Variants in CNTN2 observed in about 807,000 individuals in gnomAD.
CNTN2 encodes the protein contactin-2.
A neutral mutation model predicts 117.5 loss-of-function variants in CNTN2; 53 were observed. The observed-to-expected ratio is 0.45, with a 90% CI of 0.36 to 0.57. The LOEUF is 0.57. Among genes scored for constraint, CNTN2 ranks in the 20% least tolerant of loss-of-function variants. The pLI is 0.00. For synonymous variants in CNTN2, 530 were observed against 561.7 expected, an observed-to-expected ratio of 0.94 and a Z score of 0.80; for missense variants, 1,106 against 1,404.3, an observed-to-expected ratio of 0.79 and a Z score of 3.39.
At chr1:205,070,133 C>G (rs1654515666) in intron 18 of CNTN2, 72 bp downstream of exon 18, 1 of 1,419,414 alleles carries the variant, frequency 7.0e-7, no homozygotes, top group African/African-American at 1.4e-5. Flanking sequence ...GGTGGGGGAA[C>G]GCTACTCATC....
rs1574663567 is a variant in CNTN2 at position 205,072,784 on chromosome 1, G to A, written c.2844+189G>A. The A allele has an allele frequency of 1.8e-5, 12 of 665,020 alleles. No individual in the cohort carries two copies. The East Asian group carries it at 3.2e-4, about 18-fold the overall frequency. The allele number at this position is 665,020 out of a possible 1,614,324, so 41.2% of individuals were successfully genotyped here. On this transcript the variant is annotated intron_variant, in intron 21 of 22. Coordinates refer to ENST00000331830, the MANE Select transcript of CNTN2 (RefSeq NM_005076.5). The stretch of plus-strand genomic sequence containing the variant: ...ACTTGCAGTAGAAACTATAAAAACG[G>A]GCAGATGGTATCACTGCAGAAAGGC...
Position 205,051,774 on chromosome 1 carries a change from TGTGGAGG to T in CNTN2, c.-86-1323_-86-1317del, listed in dbSNP as rs567297269. Among the ~76,000 whole-genome samples, 1,080 of 152,204 alleles carry T rather than the reference TGTGGAGG, an allele frequency of 7.1e-3. 8 individuals are homozygous for T. The highest frequency in any genetic ancestry group is 0.024 in the Middle Eastern group (7 of 294). On this transcript the variant is annotated intron_variant, in intron 1 of 22. Transcript: ENST00000331830. ...AGGAAAAGGTTGTGGAGTGGTCAAA[TGTGGAGG>T]GTTGAAAGGGTTTGGGAGCTCTCTT...
Position 205,065,595 on chromosome 1 carries a change from C to T in CNTN2, c.1696-194C>T, listed in dbSNP as rs11588412. The stretch of plus-strand genomic sequence containing the variant: ...TGACTGTCTCCTGAAACAAACTTTG[C>T]TGTTTAGTCCCCAGTGGTTCTAAGT... On this transcript the variant is annotated intron_variant, in intron 13 of 22. Coordinates refer to ENST00000331830, the MANE Select transcript of CNTN2 (RefSeq NM_005076.5). The surrounding 1 kb of genome is among the most constrained non-coding windows in gnomAD (Gnocchi z 4.1). Among the ~76,000 whole-genome samples the T allele has an allele frequency of 0.34, 51,863 of 151,946 alleles. 10,066 individuals are homozygous for T. The highest frequency in any genetic ancestry group is 0.87 in the East Asian group (4,460 of 5,140).
Position 205,058,609 on chromosome 1 carries a change from G to A in CNTN2, c.433G>A (p.Ala145Thr), listed in dbSNP as rs2275697. The part of the protein sequence containing the change: ...FSKEERDPVK[A>T]HEGWGVMLPC... Reference sequence around the variant, plus strand: ...CAAGGAGGAGCGAGACCCAGTGAAAGCTCATGAAGGCTGGGGGGTGATGTT... The same window carrying A: ...CAAGGAGGAGCGAGACCCAGTGAAAACTCATGAAGGCTGGGGGGTGATGTT... The change falls in exon 5 of 23, where the codon GCT becomes ACT. Residue 145 changes from alanine (A) to threonine (T), a missense_variant. By Grantham distance (58) the Ala-to-Thr change is moderately conservative. Coordinates refer to ENST00000331830, the MANE Select transcript of CNTN2 (RefSeq NM_005076.5). The surrounding 1 kb of genome is among the most constrained non-coding windows in gnomAD (Gnocchi z 4.3). 0.19 allele frequency: 303,375 copies of A among 1,613,290 alleles called. 34,695 individuals carry two copies. The highest frequency in any genetic ancestry group is 0.48 in the East Asian group (21,593 of 44,786).
chr1:205,069,071 A>T (rs1654450598), intron 16 of CNTN2: 1 of 160,064 alleles, frequency 6.2e-6, no homozygotes, highest in Non-Finnish European at 1.4e-5. Flanking sequence ...TGGGTTATTT[A>T]TTCCCCTTAT....
chr1:205,065,804 G>T lies in CNTN2; in HGVS notation c.1711G>T (p.Asp571Tyr). 2 of 1,503,732 alleles carry T rather than the reference G, an allele frequency of 1.3e-6. No homozygotes were observed. The highest frequency in any genetic ancestry group is 1.8e-6 in the Non-Finnish European group (2 of 1,102,798). The allele number at this position is 1,503,732 out of a possible 1,614,324, so 93.1% of individuals were successfully genotyped here. Residue 571 changes from aspartate (D) to tyrosine (Y), a missense_variant, in exon 14 of 23, where the codon GAT becomes TAT. Asp to Tyr is a radical substitution (Grantham distance 160). Transcript: ENST00000331830. The surrounding 1 kb of genome is among the most constrained non-coding windows in gnomAD (Gnocchi z 4.1). ...CCGTGTGCAGAAGGAGACCATTGGG[G>T]ATCTGACCATCCTGAACGCCCAGCT... ...RRTNVKETIG[D>Y]LTILNAQLRH...
At chr1:205,047,712 C>T (rs1220952549) in intron 1 of CNTN2, among the ~76,000 whole-genome samples, 5 of 152,106 alleles carry the variant, frequency 3.3e-5, no homozygotes, top group African/African-American at 9.7e-5. Context: ...ATATGAGTGC[C>T]GCCTGGACGT....
intron 21 of CNTN2, 172 bp downstream of exon 21, chr1:205,072,767 T>C (rs1224807810): frequency 1.5e-6 from 1 of 680,220 alleles, no homozygotes; most frequent in Non-Finnish European, 2.6e-6. Context: ...TAACTTGCAG[T>C]AGAAACTATA....
chr1:205,070,644 G>A (rs1416088438), intron 19 of CNTN2, 106 bp downstream of exon 19: 11 of 762,052 alleles, frequency 1.4e-5, no homozygotes, highest in Non-Finnish European at 2.2e-5. Flanking sequence ...TCCCTGGTTC[G>A]CTGACATGGC....
Position 205,064,440 on chromosome 1 carries a change from C to G in CNTN2, c.1359C>G (p.Ser453Arg), listed in dbSNP as rs746391581. Reference protein sequence around the residue: ...RAAPKAVVLWSKGTEILVNSS... With the variant: ...RAAPKAVVLWRKGTEILVNSS... ...CTCCAAAGGCCGTGGTGCTCTGGAG[C>G]AAAGGCACGGAGATTTTGGTCAACA... Residue 453 changes from serine to arginine, a missense_variant, in exon 11 of 23, where the codon AGC becomes AGG. Physicochemically the swap from Ser to Arg is moderately radical, Grantham distance 110 (BLOSUM62 -1). Coordinates refer to ENST00000331830, the MANE Select transcript of CNTN2 (RefSeq NM_005076.5). The G allele has an allele frequency of 6.2e-7, 1 of 1,611,880 alleles. No homozygotes were observed. Among genetic ancestry groups the G allele is most frequent in the Admixed American group, 1.7e-5 (1 of 59,966 alleles).
Position 205,066,428 on chromosome 1 carries a change from C to T in CNTN2, c.1817-13C>T, listed in dbSNP as rs201086226. 1.2e-6 allele frequency: 2 copies of T among 1,612,728 alleles called. No individual in the cohort carries two copies. Among genetic ancestry groups the T allele is most frequent in the East Asian group, 2.2e-5 (1 of 44,880 alleles). On this transcript the variant is annotated splice_polypyrimidine_tract_variant and intron_variant, in intron 14 of 22. Coordinates refer to ENST00000331830, the MANE Select transcript of CNTN2 (RefSeq NM_005076.5). ...CCAATTCTGACCCACTGTGCTCTGA[C>T]CTCTTGGTGCAGGTCCGCCAGGTCC...
rs1653827903 is a variant in CNTN2 at position 205,059,154 on chromosome 1, C to T, written c.558C>T (p.Ser186=). 1 of 1,614,198 alleles carries T rather than the reference C, an allele frequency of 6.2e-7. No homozygotes were observed. The highest frequency in any genetic ancestry group is 2.2e-5 in the East Asian group (1 of 44,868). ...FIPTDGRHFV[S]QTTGNLYIAR... Reference sequence around the variant, plus strand: ...CGACGGACGGGCGTCACTTCGTGTCCCAGACCACAGGGAACCTGTACATTG... The same window carrying T: ...CGACGGACGGGCGTCACTTCGTGTCTCAGACCACAGGGAACCTGTACATTG... Residue 186 remains serine, a synonymous_variant, in exon 6 of 23, where the codon TCC becomes TCT. Coordinates refer to ENST00000331830, the MANE Select transcript of CNTN2 (RefSeq NM_005076.5). The surrounding 1 kb of genome is among the most constrained non-coding windows in gnomAD (Gnocchi z 5.6).
rs531184069 is a variant in CNTN2, at chr1:205,071,989, C to T, written c.2587C>T (p.Arg863Ter). 3.1e-6 allele frequency: 5 copies of T among 1,613,888 alleles called. No homozygotes were observed. The highest frequency in any genetic ancestry group is 1.7e-5 in the Admixed American group (1 of 59,952). ...KAGDKEAAAD[R>*]VRTAGLDTSA... The stretch of plus-strand genomic sequence containing the variant: ...TGGGGACAAAGAAGCAGCTGCGGAC[C>T]GAGTGAGGACAGCAGGGCTGGACAC... The change falls in exon 20 of 23, where the codon CGA becomes TGA. Residue 863 changes from arginine to a stop codon, truncating the protein, a stop_gained. Transcript: ENST00000331830. LOFTEE classifies it high-confidence loss of function.
At position 205,073,043 on chromosome 1, in the gene CNTN2, C is replaced by A. The variant is rs1415630011; in HGVS notation, c.2845-25C>A. ...CGATCAGCCCTGGTGTCAGGAAACT[C>A]CACCTGGAAACCTCCTTCCCACAGA... On this transcript the variant is annotated intron_variant, in intron 21 of 22. Transcript: ENST00000331830. The surrounding 1 kb of genome is among the most constrained non-coding windows in gnomAD (Gnocchi z 6.3). 4.3e-6 allele frequency: 7 copies of A among 1,613,044 alleles called. No homozygotes were observed.
Position 205,059,043 on chromosome 1 carries a change from G to A in CNTN2, c.488-41G>A. On this transcript the variant is annotated intron_variant, in intron 5 of 22. Coordinates refer to ENST00000331830, the MANE Select transcript of CNTN2 (RefSeq NM_005076.5). The surrounding 1 kb of genome is among the most constrained non-coding windows in gnomAD (Gnocchi z 5.6). Reference sequence around the variant, plus strand: ...GGTCCCACCCAGAGTGGCCCTGTTAGCCCAGCACCCCCTGGTTTCCTCAAA... The same window carrying A: ...GGTCCCACCCAGAGTGGCCCTGTTAACCCAGCACCCCCTGGTTTCCTCAAA... 2 of 1,594,158 alleles carry A rather than the reference G, an allele frequency of 1.3e-6. No individual in the cohort carries two copies. The highest frequency in any genetic ancestry group is 1.7e-4 in the Middle Eastern group (1 of 6,024).
Position 205,058,449 on chromosome 1 carries a change from G to T in CNTN2, c.391+93G>T. ...AAGGATAAGGGACACCCTCAAGCCG[G>T]GCCTTCCTGACCTCACATGACATGC... On this transcript the variant is annotated intron_variant, in intron 4 of 22. Coordinates refer to ENST00000331830, the MANE Select transcript of CNTN2 (RefSeq NM_005076.5). This position sits in a 1 kb window ranked among gnomAD's most constrained non-coding sequence, Gnocchi z 4.3. 6.5e-7 allele frequency: 1 copy of T among 1,542,952 alleles called. No individual in the cohort carries two copies. The highest frequency in any genetic ancestry group is 1.2e-5 in the South Asian group (1 of 84,898).
chr1:205,065,354 A>G lies in CNTN2; in HGVS notation c.1695+92A>G. On this transcript the variant is annotated intron_variant, in intron 13 of 22. Coordinates refer to ENST00000331830, the MANE Select transcript of CNTN2 (RefSeq NM_005076.5). This position sits in a 1 kb window ranked among gnomAD's most constrained non-coding sequence, Gnocchi z 4.1. ...CCTTAGCCATCCTCACCTTTAAGAA[A>G]CCCATAGCCTAAGCGCCCCCATTCC... 1.4e-6 allele frequency: 2 copies of G among 1,389,254 alleles called. No homozygotes were observed. Among genetic ancestry groups the G allele is most frequent in the South Asian group, 1.3e-5 (1 of 77,050 alleles). The allele number at this position is 1,389,254 out of a possible 1,614,324, so 86.1% of individuals were successfully genotyped here.
chr1:205,048,411 A>G lies in CNTN2; in HGVS notation c.-86-4689A>G, dbSNP rs113117159. Among the ~76,000 whole-genome samples, 3,396 of 151,404 alleles carry G rather than the reference A, an allele frequency of 0.022. 77 individuals are homozygous for G. Among genetic ancestry groups the G allele is most frequent in the African/African-American group, 0.052 (2,158 of 41,202 alleles). ...TTTCCTGGGACTGACAATTCAGCCA[A>G]CTCCCCCTGGTGCCCCCGAACCCCC... On this transcript the variant is annotated intron_variant, in intron 1 of 22. Transcript: ENST00000331830. The surrounding 1 kb of genome is among the most constrained non-coding windows in gnomAD (Gnocchi z 4.1).
rs1020671309 is a variant in CNTN2 at position 205,077,489 on chromosome 1, C to G, written c.*3724C>G. ...CTCTGTCTCCCTGGGTGACACCCAC[C>G]CTAGGCTTCCTCCTGGATGTGATGG... On this transcript the variant is annotated 3_prime_UTR_variant, in exon 23 of 23. Transcript: ENST00000331830. 5 of 152,226 alleles carry G rather than the reference C, an allele frequency of 3.3e-5. No homozygotes were observed. The highest frequency in any genetic ancestry group is 7.3e-5 in the Non-Finnish European group (5 of 68,056). 9.4% of individuals were successfully genotyped at this position (152,226 alleles called of 1,614,324 possible). A position where few individuals can be genotyped will look rare whatever the true frequency, so the allele number is the denominator to read the frequency against.
Sources: allele counts gnomAD v4.1 joint callset (sites outside exome capture counted in the v4.1 genomes callset), GRCh38; gene constraint gnomAD v4.1.1; non-coding constraint Gnocchi (gnomAD v3.1); transcripts MANE v1.5; gene names NCBI Gene and HGNC (gene_info 2026-07-23, HGNC 2026-07-21).